The following HK1 variants were observed in gnomAD, a reference collection of about 807,000 sequenced individuals.
HK1 encodes hexokinase-1.
A neutral mutation model predicts 91.6 loss-of-function variants in HK1; 28 were observed. The observed-to-expected ratio is 0.31, with a 90% CI of 0.23 to 0.42. The LOEUF is 0.42. Among genes scored for constraint, HK1 ranks in the 10% least tolerant of loss-of-function variants. The pLI, the probability that HK1 is intolerant of heterozygous loss-of-function variation, is 1.00. For synonymous variants in HK1, 430 were observed against 468.1 expected, an observed-to-expected ratio of 0.92 and a Z score of 1.05; for missense variants, 770 against 1,219.8, an observed-to-expected ratio of 0.63 and a Z score of 5.49.
intron 1 of HK1, among the ~76,000 whole-genome samples, chr10:69,276,116 A>ATAT (rs1369009775): frequency 7.0e-5 from 3 of 42,564 alleles, no homozygotes; most frequent in African/African-American, 2.1e-4. Context: ...AAAAAAAAAA[A>ATAT]AAATACATAT....
chr10:69,287,175 G>C (rs748065098), intron 2 of HK1, among the ~76,000 whole-genome samples: 7 of 152,210 alleles, frequency 4.6e-5, no homozygotes, highest in Non-Finnish European at 7.3e-5. Context: ...TTACAGTTCA[G>C]CATGGCTAGA....
chr10:69,274,719 A>C (rs1275698087), intron 1 of HK1, among the ~76,000 whole-genome samples: 1 of 151,952 alleles, frequency 6.6e-6, no homozygotes, highest in African/African-American at 2.4e-5. Context: ...TCTGAATTTC[A>C]ATCTAGCCTT....
intron 7 of HK1, among the ~76,000 whole-genome samples, chr10:69,371,964 A>G (rs891877682): frequency 3.9e-5 from 6 of 152,226 alleles, no homozygotes; most frequent in Admixed American, 2.0e-4. Context: ...CACACTGCCT[A>G]TAAAGACATA....
chr10:69,311,784 A>C (rs1330052940), upstream of HK1, among the ~76,000 whole-genome samples: 2 of 152,060 alleles, frequency 1.3e-5, no homozygotes, highest in South Asian at 2.1e-4. Flanking sequence ...CTATAGGTGC[A>C]TGCCACCACG....
At position 69,298,904 on chromosome 10, in the gene HK1, G is replaced by A. The variant is rs188603578; in HGVS notation, c.-66-1865G>A. Among the ~76,000 whole-genome samples, 210 of 151,742 alleles carry A rather than the reference G, an allele frequency of 1.4e-3. 7 individuals are homozygous for A. The highest frequency in any genetic ancestry group is 4.8e-3 in the African/African-American group (198 of 41,102). ...AGAGAATTAGCTAATGACACTACTAGGCCACCAAATTTTAAAATAGTTCAT... is the reference window on the plus strand; with the variant it reads ...AGAGAATTAGCTAATGACACTACTAAGCCACCAAATTTTAAAATAGTTCAT... On this transcript the variant is annotated intron_variant, in intron 4 of 21. Transcript: ENST00000360289.
At chr10:69,397,064 T>C (rs1241362787) in intron 16 of HK1, among the ~76,000 whole-genome samples, 1 of 152,230 alleles carries the variant, frequency 6.6e-6, no homozygotes, top group Non-Finnish European at 1.5e-5. Context: ...CATCCATCCA[T>C]GGACACTTGG....
intron 4 of HK1, among the ~76,000 whole-genome samples, chr10:69,367,254 G>A (rs902434157): frequency 2.6e-5 from 4 of 152,174 alleles, no homozygotes; most frequent in African/African-American, 4.8e-5. Context: ...TTGCTGTGGC[G>A]CCAGTGGAGC....
intron 12 of HK1, 133 bp downstream of exon 12, chr10:69,385,048 C>A: frequency 1.0e-6 from 1 of 1,001,338 alleles, no homozygotes; most frequent in Non-Finnish European, 1.6e-6. Flanking sequence ...GTGGGTTGAG[C>A]CAGGCTTTAT....
chr10:69,300,847 G>A (rs1453269636), exon 5 of HK1: 1 of 1,592,574 alleles, frequency 6.3e-7, no homozygotes. Context: ...GGCAAAAAGA[G>A]CCCTGCATGA....
intron 3 of HK1, among the ~76,000 whole-genome samples, chr10:69,294,492 C>A (rs2132475042): frequency 6.6e-6 from 1 of 152,106 alleles, no homozygotes; most frequent in East Asian, 1.9e-4. Flanking sequence ...GAAGTTGAGG[C>A]AGGTGGATCA....
chr10:69,277,023 C>T (rs1490542091), intron 1 of HK1, among the ~76,000 whole-genome samples: 1 of 152,000 alleles, frequency 6.6e-6, no homozygotes, highest in East Asian at 1.9e-4. Context: ...ATTTGGCTTC[C>T]TCTAAGTGTT....
intron 7 of HK1, among the ~76,000 whole-genome samples, chr10:69,372,502 T>C (rs772773035): frequency 1.3e-5 from 2 of 152,220 alleles, no homozygotes; most frequent in African/African-American, 2.4e-5. Context: ...ACCCTCTTTG[T>C]GGCAGGGAAA....
chr10:69,317,781 A>G (rs759524679), upstream of HK1, among the ~76,000 whole-genome samples: 2 of 152,232 alleles, frequency 1.3e-5, no homozygotes, highest in Admixed American at 6.5e-5. Flanking sequence ...CTGTCTAACC[A>G]GAATAGCAAC....
At chr10:69,293,208 T>G (rs1401480896) in intron 3 of HK1, among the ~76,000 whole-genome samples, 1 of 152,242 alleles carries the variant, frequency 6.6e-6, no homozygotes, top group Non-Finnish European at 1.5e-5. Flanking sequence ...AGCCTTCTTC[T>G]GTGCCCAGTG....
chr10:69,334,563 T>A (rs544156445), intron 1 of HK1, among the ~76,000 whole-genome samples: 2 of 152,172 alleles, frequency 1.3e-5, no homozygotes, highest in East Asian at 3.9e-4. Context: ...CGGGGAAGTC[T>A]CCGGGCCTTA....
At chr10:69,341,791 C>A (rs1181020849) in intron 1 of HK1, among the ~76,000 whole-genome samples, 1 of 151,844 alleles carries the variant, frequency 6.6e-6, no homozygotes, top group East Asian at 1.9e-4. Context: ...CTTGGTGGTT[C>A]CTGATTGCCC....
At chr10:69,344,652 G>A (rs1848454415) in intron 2 of HK1, among the ~76,000 whole-genome samples, 3 of 152,234 alleles carry the variant, frequency 2.0e-5, no homozygotes, top group Non-Finnish European at 4.4e-5. Context: ...GGCCCCCTGA[G>A]GATTGTCTGT....
At chr10:69,295,832 G>C in intron 4 of HK1, 1 of 681,696 alleles carries the variant, frequency 1.5e-6, no homozygotes, top group Non-Finnish European at 2.7e-6. Flanking sequence ...CCTCCAACTT[G>C]CTCCCTGCTG....
chr10:69,401,288 G>C lies in HK1; in HGVS notation c.*153G>C. On this transcript the variant is annotated 3_prime_UTR_variant, in exon 18 of 18. Transcript: ENST00000359426. ...AATCCAACTAATGGTATATATTGTAGGGTACAGAATAGAGCGTGTGCTGTT... is the reference window on the plus strand; with the variant it reads ...AATCCAACTAATGGTATATATTGTACGGTACAGAATAGAGCGTGTGCTGTT... 1.2e-6 allele frequency: 1 copy of C among 814,022 alleles called. No individual in the cohort carries two copies. Among genetic ancestry groups the C allele is most frequent in the Non-Finnish European group, 2.0e-6 (1 of 495,606 alleles). 50.4% of individuals were successfully genotyped at this position (814,022 alleles called of 1,614,324 possible). A position where few individuals can be genotyped will look rare whatever the true frequency, so the allele number is the denominator to read the frequency against.
Sources: allele counts gnomAD v4.1 joint callset (sites outside exome capture counted in the v4.1 genomes callset), GRCh38; gene constraint gnomAD v4.1.1; transcripts MANE v1.5; gene names NCBI Gene and HGNC (gene_info 2026-07-23, HGNC 2026-07-21).